Variants in TENM2 observed in about 807,000 individuals in gnomAD.
TENM2 encodes the protein teneurin transmembrane protein 2, also known as teneurin-2.
A neutral mutation model predicts 245.2 loss-of-function variants in TENM2; 52 were observed. The ratio of observed to expected loss-of-function variants is 0.21; its 90% CI spans 0.17 to 0.27. TENM2 has a LOEUF of 0.27. Ranked by LOEUF, TENM2 falls within the 10% of genes least tolerant of loss-of-function variation. The pLI is 1.00. For missense variants in TENM2, 3,046 were observed against 3,666.8 expected, an observed-to-expected ratio of 0.83 and a Z score of 4.37; for synonymous variants, 1,363 against 1,438.9, an observed-to-expected ratio of 0.95 and a Z score of 1.19.
chr5:167,069,270 A>G, the TENM2 span, among the ~76,000 whole-genome samples: 6 of 152,210 alleles, frequency 3.9e-5, no homozygotes, highest in East Asian at 9.6e-4. Flanking sequence ...AGGTTTTTCT[A>G]TATCGCTTTC....
At chr5:168,025,426 T>G (rs1786519463) in intron 5 of TENM2, among the ~76,000 whole-genome samples, 1 of 152,244 alleles carries the variant, frequency 6.6e-6, no homozygotes, top group African/African-American at 2.4e-5. Context: ...GAATCTTTTT[T>G]TTTCTTCATA....
At chr5:168,024,371 C>G (rs1786425115) in intron 5 of TENM2, among the ~76,000 whole-genome samples, 1 of 152,186 alleles carries the variant, frequency 6.6e-6, no homozygotes, top group African/African-American at 2.4e-5. Context: ...AAGGGCCAGC[C>G]ATGAAATTTA....
the TENM2 span, among the ~76,000 whole-genome samples, chr5:167,212,469 G>T: frequency 6.6e-6 from 1 of 152,084 alleles, no homozygotes; most frequent in East Asian, 1.9e-4. Flanking sequence ...AAGAGATGGG[G>T]GTTATTGTGT....
chr5:167,476,434 A>G (rs1185912595), intron 2 of TENM2, among the ~76,000 whole-genome samples: 6 of 152,170 alleles, frequency 3.9e-5, no homozygotes, highest in Admixed American at 3.3e-4. Flanking sequence ...AATGTCAAAA[A>G]ATCATATTTG....
At chr5:167,525,208 G>A (rs1309685022) in intron 2 of TENM2, among the ~76,000 whole-genome samples, 2 of 152,102 alleles carry the variant, frequency 1.3e-5, no homozygotes, top group South Asian at 2.1e-4. Flanking sequence ...ATCTGTGTAA[G>A]CCGATTGCTT....
intron 2 of TENM2, among the ~76,000 whole-genome samples, chr5:167,830,841 A>AT (rs1205043127): frequency 1.3e-5 from 2 of 152,158 alleles, no homozygotes; most frequent in Non-Finnish European, 2.9e-5. Flanking sequence ...GGGTCTCTGA[A>AT]TTTGCATTTC....
At chr5:167,846,734 T>C (rs1382689155) in intron 2 of TENM2, among the ~76,000 whole-genome samples, 1 of 152,228 alleles carries the variant, frequency 6.6e-6, no homozygotes, top group African/African-American at 2.4e-5. Context: ...AGGACCAATT[T>C]ATTGAACAAG....
chr5:167,524,548 T>C lies in TENM2; in HGVS notation c.502+149075T>C, dbSNP rs115984640. On this transcript the variant is annotated intron_variant, in intron 2 of 28. Transcript: ENST00000518659. Reference sequence around the variant, plus strand: ...CCATTCACCTAAGTAAGAATCATGCTAAAATGCAGATTCTGATTCCTTAGA... The same window carrying C: ...CCATTCACCTAAGTAAGAATCATGCCAAAATGCAGATTCTGATTCCTTAGA... 2.6e-3 allele frequency among the ~76,000 whole-genome samples: 397 copies of C among 152,258 alleles called. 1 individual carries two copies. Among genetic ancestry groups the C allele is most frequent in the African/African-American group, 9.1e-3 (380 of 41,578 alleles).
intron 2 of TENM2, among the ~76,000 whole-genome samples, chr5:167,655,345 T>G (rs1194971086): frequency 6.6e-6 from 1 of 152,184 alleles, no homozygotes; most frequent in East Asian, 1.9e-4. Flanking sequence ...GTCATTGCAT[T>G]ACTCTAGTCA....
At chr5:168,183,639 A>G (rs1485216738) in intron 13 of TENM2, among the ~76,000 whole-genome samples, 2 of 151,912 alleles carry the variant, frequency 1.3e-5, no homozygotes, top group Non-Finnish European at 2.9e-5. Flanking sequence ...TCTTGCCCCA[A>G]CTTATTGCTT....
chr5:168,257,648 A>T (rs1767795114), intron 27 of TENM2, among the ~76,000 whole-genome samples: 1 of 132,098 alleles, frequency 7.6e-6, no homozygotes, highest in Admixed American at 8.7e-5. Context: ...ACGGAGTCTC[A>T]CTCTGTTGCC....
chr5:167,516,314 G>A (rs1002184351), intron 2 of TENM2, among the ~76,000 whole-genome samples: 6 of 151,984 alleles, frequency 3.9e-5, no homozygotes, highest in Admixed American at 1.3e-4. Flanking sequence ...TTTCACTTTC[G>A]TAACCTCTCT....
At chr5:167,334,007 A>T (rs1457904044) in intron 1 of TENM2, among the ~76,000 whole-genome samples, 1 of 152,226 alleles carries the variant, frequency 6.6e-6, no homozygotes, top group African/African-American at 2.4e-5. Context: ...AATATATAGC[A>T]TGTAAATATT....
chr5:168,198,716 C>G (rs1761676066), intron 15 of TENM2, 137 bp from the exon 18 acceptor site: 1 of 1,124,640 alleles, frequency 8.9e-7, no homozygotes, highest in Non-Finnish European at 1.3e-6. Context: ...GGGTTCCAGC[C>G]CCACCTGTCT....
At chr5:167,151,616 T>C in the TENM2 span, among the ~76,000 whole-genome samples, 1 of 152,154 alleles carries the variant, frequency 6.6e-6, no homozygotes, top group South Asian at 2.1e-4. Context: ...CCTCCCGGGT[T>C]CATGCCATTC....
At chr5:167,275,939 T>C in the TENM2 span, among the ~76,000 whole-genome samples, 2 of 152,054 alleles carry the variant, frequency 1.3e-5, no homozygotes, top group Non-Finnish European at 2.9e-5. Flanking sequence ...CTCTTTGAAT[T>C]CTCAGGGGAG....
At chr5:168,052,262 G>A (rs1426659460) in intron 6 of TENM2, among the ~76,000 whole-genome samples, 1 of 151,850 alleles carries the variant, frequency 6.6e-6, no homozygotes, top group Non-Finnish European at 1.5e-5. Context: ...GGGGTGGTGG[G>A]TGCCTGTAGT....
chr5:167,090,253 A>G, the TENM2 span, among the ~76,000 whole-genome samples: 4 of 151,128 alleles, frequency 2.6e-5, no homozygotes, highest in African/African-American at 9.8e-5. Context: ...AAAAAAAAAG[A>G]TGGTAGTTGC....
chr5:167,719,469 G>A (rs151239507), intron 2 of TENM2, among the ~76,000 whole-genome samples: 7 of 152,326 alleles, frequency 4.6e-5, no homozygotes, highest in African/African-American at 1.7e-4. Context: ...TCGAACAGCT[G>A]GAGTGGGGTT....
Sources: gnomAD v4.1 joint callset for allele counts (sites outside exome capture counted in the v4.1 genomes callset) on GRCh38, gnomAD v4.1.1 for gene constraint, MANE v1.5 for transcripts, NCBI Gene and HGNC (gene_info 2026-07-23, HGNC 2026-07-21) for gene names.